Variants in CABLES1 observed in about 807,000 individuals in gnomAD.
The protein encoded by CABLES1 is Cdk5 and Abl enzyme substrate 1, also known as CDK5 and ABL1 enzyme substrate 1.
A neutral mutation model predicts 57.8 loss-of-function variants in CABLES1; 36 were observed. That is an observed-to-expected ratio of 0.62 (90% CI 0.48 to 0.82). CABLES1 has a LOEUF of 0.82. Among genes scored for constraint, CABLES1 ranks in the 40% least tolerant of loss-of-function variants. CABLES1 has a pLI of 0.00. For synonymous variants in CABLES1, 374 were observed against 363.0 expected (o/e 1.03, Z -0.35); for missense variants, 767 against 836.6 (o/e 0.92, Z 1.03).
intron 1 of CABLES1, among the ~76,000 whole-genome samples, chr18:23,144,896 G>A (rs924630718): frequency 2.0e-5 from 3 of 151,204 alleles, no homozygotes; most frequent in African/African-American, 7.3e-5. Flanking sequence ...TTATCAGCAT[G>A]TGCACCTAAG....
chr18:23,161,032 C>CA (rs1308815835), intron 1 of CABLES1, among the ~76,000 whole-genome samples: 4 of 149,814 alleles, frequency 2.7e-5, no homozygotes, highest in Middle Eastern at 3.4e-3. Context: ...CAGTGAGACT[C>CA]AAAAAAAAGA....
intron 4 of CABLES1, among the ~76,000 whole-genome samples, chr18:23,230,861 C>T (rs1189029420): frequency 6.6e-6 from 1 of 152,108 alleles, no homozygotes; most frequent in African/African-American, 2.4e-5. Context: ...CTTTGGTTGC[C>T]CTAGCACTGC....
At chr18:23,237,321 T>C in intron 7 of CABLES1, 76 bp downstream of exon 7, 2 of 970,330 alleles carry the variant, frequency 2.1e-6, no homozygotes, top group Non-Finnish European at 3.4e-6. Flanking sequence ...GGCTGGGGGC[T>C]TGTTCAAAGA....
At position 23,236,012 on chromosome 18, in the gene CABLES1, A is replaced by T. The variant is rs370833004; in HGVS notation, c.1303A>T (p.Ile435Leu). The change falls in exon 6 of 10, where the codon ATA becomes TTA. Residue 435 changes from isoleucine to leucine, a missense_variant. By Grantham distance (5) the Ile-to-Leu change is conservative. Transcript: ENST00000256925. ...FRNLSHRSLS[I>L]GRASGTQGSL... is the part of the protein sequence containing the mutation. ...TAACCTGAGCCACCGCAGCCTCTCC[A>T]TAGGCCGGGCAAGCGGCACCCAGGG... is the stretch of plus-strand genomic sequence containing the variant. 3.1e-6 allele frequency: 5 copies of T among 1,614,030 alleles called. No individual in the cohort carries two copies. The highest frequency in any genetic ancestry group is 3.4e-6 in the Non-Finnish European group (4 of 1,180,042).
chr18:23,184,393 C>T (rs1408493745), intron 1 of CABLES1, among the ~76,000 whole-genome samples: 1 of 151,740 alleles, frequency 6.6e-6, no homozygotes, highest in Non-Finnish European at 1.5e-5. Flanking sequence ...GACTGGATGG[C>T]TTATAAACAA....
rs1296773525 is a variant in CABLES1 at position 23,222,534 on chromosome 18, C to A, written c.1088+8480C>A. 4.7e-3 allele frequency among the ~76,000 whole-genome samples: 668 copies of A among 143,176 alleles called. 15 individuals carry two copies. In the Admixed American group the frequency reaches 0.047, roughly 10 times the overall value. 93.9% of individuals were successfully genotyped at this position (143,176 alleles called of 152,430 possible). A position where few individuals can be genotyped will look rare whatever the true frequency, so the allele number is the denominator to read the frequency against. On this transcript the variant is annotated intron_variant, in intron 4 of 9. Coordinates refer to ENST00000256925, the MANE Select transcript of CABLES1 (RefSeq NM_001100619.3). ...GCTCACGTTCTCTCTCTCTCTCTGT[C>A]TCTCTCTCTATATATATCTATATAT...
intron 1 of CABLES1, among the ~76,000 whole-genome samples, chr18:23,169,205 A>C (rs2047065292): frequency 6.6e-6 from 1 of 151,924 alleles, no homozygotes; most frequent in Admixed American, 6.6e-5. Flanking sequence ...TGAATAATCC[A>C]CCCCTTGTTT....
chr18:23,187,026 A>G (rs984737838), intron 1 of CABLES1, among the ~76,000 whole-genome samples: 1 of 152,174 alleles, frequency 6.6e-6, no homozygotes, highest in Admixed American at 6.5e-5. Context: ...GTGCTGTCAC[A>G]GGGGTCTAGG....
At chr18:23,139,983 G>A (rs1598793863) in intron 1 of CABLES1, among the ~76,000 whole-genome samples, 1 of 152,244 alleles carries the variant, frequency 6.6e-6, no homozygotes, top group South Asian at 2.1e-4. Flanking sequence ...CCCTAGCTTT[G>A]CTATTTCACC....
chr18:23,188,151 T>C (rs1035523880), intron 1 of CABLES1, among the ~76,000 whole-genome samples: 2 of 152,198 alleles, frequency 1.3e-5, no homozygotes, highest in Non-Finnish European at 1.5e-5. Flanking sequence ...AACTAGGACC[T>C]GTTCTTATTT....
intron 4 of CABLES1, 39 bp from the exon 5 acceptor site, chr18:23,234,569 C>A: frequency 6.5e-7 from 1 of 1,527,244 alleles, no homozygotes; most frequent in Non-Finnish European, 9.1e-7. Context: ...TTGAGGTGCA[C>A]ACAAAAGCAT....
At chr18:23,174,821 C>CATAT (rs569579022) in intron 1 of CABLES1, among the ~76,000 whole-genome samples, 4,229 of 94,238 alleles carry the variant, frequency 0.045, 105 homozygotes, top group Non-Finnish European at 0.049. Flanking sequence ...CATGTTACAC[C>CATAT]ATATATATAT....
intron 3 of CABLES1, among the ~76,000 whole-genome samples, chr18:23,206,840 G>T (rs1598829662): frequency 1.4e-5 from 2 of 148,032 alleles, no homozygotes; most frequent in South Asian, 4.2e-4. Flanking sequence ...TTTGCGACGG[G>T]GTCTTGCTCT....
chr18:23,252,350 T>C (rs1482961701), intron 7 of CABLES1, among the ~76,000 whole-genome samples: 2 of 152,118 alleles, frequency 1.3e-5, no homozygotes, highest in African/African-American at 4.8e-5. Flanking sequence ...CGCCTAGAAA[T>C]GGTTAAGATG....
rs2047736842 is a variant in CABLES1, at chr18:23,241,540, A to C, written c.1446+4295A>C. 2.6e-5 allele frequency among the ~76,000 whole-genome samples: 4 copies of C among 152,202 alleles called. No homozygotes were observed. The South Asian group carries it at 8.3e-4, about 32-fold the overall frequency. ...CGAAACTACGTCTCAAAAAAATAAA[A>C]ATAAAAATGCTCAGTGATATAAGAT... On this transcript the variant is annotated intron_variant, in intron 7 of 9. Transcript: ENST00000256925.
Position 23,135,740 on chromosome 18 carries a change from A to G in CABLES1, c.-23A>G. The G allele has an allele frequency of 1.0e-6, 1 of 987,880 alleles. No homozygotes were observed. The highest frequency in any genetic ancestry group is 6.2e-5 in the Admixed American group (1 of 16,084). The allele number at this position is 987,880 out of a possible 1,614,324, so 61.2% of individuals were successfully genotyped here. A position where few individuals can be genotyped will look rare whatever the true frequency, so the allele number is the denominator to read the frequency against. Reference sequence around the variant, plus strand: ...CCGCTCGCTTCTCCGGGCATCGCGGAAATCCCGCCGCAGACGGACACAATG... The same window carrying G: ...CCGCTCGCTTCTCCGGGCATCGCGGGAATCCCGCCGCAGACGGACACAATG... On this transcript the variant is annotated 5_prime_UTR_variant, in exon 1 of 10. Transcript: ENST00000256925.
At chr18:23,202,048 A>G (rs2047329347) in intron 3 of CABLES1, among the ~76,000 whole-genome samples, 1 of 148,300 alleles carries the variant, frequency 6.7e-6, no homozygotes, top group Admixed American at 6.6e-5. Flanking sequence ...ATTGAGAGGA[A>G]GGAAGGAAGG....
intron 4 of CABLES1, among the ~76,000 whole-genome samples, chr18:23,221,550 CA>C (rs2047487465): frequency 6.6e-6 from 1 of 152,132 alleles, no homozygotes; most frequent in Admixed American, 6.5e-5. Context: ...CACAGACACC[CA>C]GGACCAACAC....
chr18:23,135,967 CT>C lies in CABLES1; in HGVS notation c.206del (p.Leu69ProfsTer64). 8.8e-7 allele frequency: 1 copy of C among 1,140,948 alleles called. No homozygotes were observed. The allele number at this position is 1,140,948 out of a possible 1,614,324, so 70.7% of individuals were successfully genotyped here. On this transcript the variant is annotated frameshift_variant, in exon 1 of 10. Transcript: ENST00000256925. LOFTEE classifies it high-confidence loss of function. ...GCGCCGCCAGGCTGCCCTCTCCTTC[CT>C]CACCAACATCTCGCTGGACGGCCGG... is the stretch of plus-strand genomic sequence containing the variant. Reference protein sequence around the residue: ...PRRRQAALSFLTNISLDGRLP... With the variant: ...PRRRQAALSFXTNISLDGRLP...
Sources: allele counts gnomAD v4.1 joint callset (sites outside exome capture counted in the v4.1 genomes callset), GRCh38; gene constraint gnomAD v4.1.1; transcripts MANE v1.5; gene names NCBI Gene and HGNC (gene_info 2026-07-23, HGNC 2026-07-21).